Variants in RASSF4 observed in about 807,000 individuals in gnomAD.
The protein encoded by RASSF4 is Ras association domain family member 4, also known as ras association domain-containing protein 4.
Under a neutral mutation model 41.1 loss-of-function variants are expected in RASSF4, and 38 were observed. The observed-to-expected ratio is 0.92, with a 90% CI of 0.71 to 1.21. RASSF4 has a LOEUF of 1.21. Among genes scored for constraint, RASSF4 ranks in the 50% most tolerant of loss-of-function variants. The pLI is 0.00. For missense variants in RASSF4, 414 were observed against 419.4 expected (o/e 0.99, Z 0.11); for synonymous variants, 179 against 163.4 (o/e 1.10, Z -0.73).
intron 1 of RASSF4, among the ~76,000 whole-genome samples, chr10:44,967,000 A>G (rs1162248330): frequency 1.3e-5 from 2 of 152,366 alleles, no homozygotes; most frequent in Non-Finnish European, 1.5e-5. Flanking sequence ...ATATTTAAAT[A>G]CAAAATATTA....
Position 44,971,812 on chromosome 10 carries a change from C to T in RASSF4, c.102C>T (p.Tyr34=). The T allele has an allele frequency of 6.2e-7, 1 of 1,613,566 alleles. No individual in the cohort carries two copies. Among genetic ancestry groups the T allele is most frequent in the South Asian group, 1.1e-5 (1 of 91,066 alleles). ...LLGLLKTYNC[Y]HEGKSFQLRH... The stretch of plus-strand genomic sequence containing the variant: ...GCCTGCTGAAAACCTACAACTGCTA[C>T]CATGAGGGCAAGAGCTTCCAGCTGA... Residue 34 remains tyrosine, a synonymous_variant, in exon 3 of 11, where the codon TAC becomes TAT. Transcript: ENST00000340258.
At chr10:44,971,574 G>GCC (rs762505383) in intron 2 of RASSF4, 199 bp from the exon 3 acceptor site, 20 of 684,940 alleles carry the variant, frequency 2.9e-5, no homozygotes, top group Non-Finnish European at 5.1e-5. Context: ...CGACCCCCAT[G>GCC]CCCCCCACCA....
chr10:44,982,359 C>T (rs144182336), intron 3 of RASSF4, 162 bp from the exon 4 acceptor site: 35 of 849,834 alleles, frequency 4.1e-5, no homozygotes, highest in Non-Finnish European at 5.4e-5. Context: ...CCTGGTCACA[C>T]GCCCCAGGGC....
intron 3 of RASSF4, among the ~76,000 whole-genome samples, chr10:44,975,330 A>G (rs1303646782): frequency 6.6e-6 from 1 of 151,676 alleles, no homozygotes; most frequent in African/African-American, 2.4e-5. Context: ...GGCCAGCCCC[A>G]CGAACATCTG....
intron 4 of RASSF4, 31 bp from the exon 5 acceptor site, chr10:44,983,990 GC>G (rs1248152761): frequency 6.4e-7 from 1 of 1,565,702 alleles, no homozygotes; most frequent in African/African-American, 1.4e-5. Context: ...TCTGCCGGCA[GC>G]CATCTCAGCC....
chr10:44,978,902 C>T (rs1841579778), intron 3 of RASSF4: 1 of 152,262 alleles, frequency 6.6e-6, no homozygotes, highest in Non-Finnish European at 1.5e-5. Flanking sequence ...GGAAGGCTGT[C>T]TTAGGAAAAC....
chr10:44,968,992 G>A (rs774197718), intron 1 of RASSF4, among the ~76,000 whole-genome samples: 6 of 151,098 alleles, frequency 4.0e-5, no homozygotes, highest in Non-Finnish European at 7.4e-5. Flanking sequence ...GATTGTGAGT[G>A]TTTGTGTATG....
chr10:44,970,831 G>C (rs1841123527), intron 2 of RASSF4: 1 of 154,740 alleles, frequency 6.5e-6, no homozygotes, highest in African/African-American at 2.4e-5. Flanking sequence ...ACTTCACATG[G>C]CGAAAGCAGG....
intron 1 of RASSF4, among the ~76,000 whole-genome samples, chr10:44,960,679 C>G (rs541154314): frequency 6.6e-6 from 1 of 152,204 alleles, no homozygotes; most frequent in Non-Finnish European, 1.5e-5. Flanking sequence ...CCAGCACTTT[C>G]TTAAAACACA....
intron 1 of RASSF4, among the ~76,000 whole-genome samples, chr10:44,964,442 G>T (rs534653096): frequency 2.0e-4 from 31 of 152,342 alleles, no homozygotes; most frequent in African/African-American, 7.2e-4. Flanking sequence ...CTTGGAGGAG[G>T]GGAGAGCCTG....
At position 44,970,232 on chromosome 10, in the gene RASSF4, C is replaced by G. The variant is rs768206066; in HGVS notation, c.30C>G (p.His10Gln). The change falls in exon 2 of 11, where the codon CAC (histidine) becomes CAG (glutamine). Residue 10 changes from histidine to glutamine, a missense_variant. Physicochemically the swap from His to Gln is conservative, Grantham distance 24. Transcript: ENST00000340258. ...AGGAAGACTGTCTGCCGAGTTCTCACGTGCCCATCAGTGACAGCAAGTCCA... is the reference window on the plus strand; with the variant it reads ...AGGAAGACTGTCTGCCGAGTTCTCAGGTGCCCATCAGTGACAGCAAGTCCA... The part of the protein sequence containing the change: MKEDCLPSS[H>Q]VPISDSKSIQ... 27 of 1,613,928 alleles carry G rather than the reference C, an allele frequency of 1.7e-5. No homozygotes were observed. In the South Asian group the frequency reaches 2.9e-4, roughly 17 times the overall value.
intron 5 of RASSF4, chr10:44,984,408 G>A (rs780114808): frequency 1.6e-4 from 80 of 506,958 alleles, no homozygotes; most frequent in Middle Eastern, 1.0e-3. Flanking sequence ...AAGGCACTGC[G>A]CTCTCCTGGC....
intron 1 of RASSF4, among the ~76,000 whole-genome samples, chr10:44,969,484 T>C (rs778873798): frequency 6.6e-6 from 1 of 152,174 alleles, no homozygotes. Flanking sequence ...GTGATCAATA[T>C]AGAGAAGGTA....
Position 44,965,709 on chromosome 10 carries a change from G to A in RASSF4, c.-38-4456G>A, listed in dbSNP as rs12573213. Among the ~76,000 whole-genome samples, 621 of 152,266 alleles carry A rather than the reference G, an allele frequency of 4.1e-3. 21 individuals carry two copies. The East Asian group carries it at 0.078, about 19-fold the overall frequency. ...TGAGCCACCTCCCTTAGCTTTGCTC[G>A]CTGACCCCCCTGCCCTCCCCTGGGA... On this transcript the variant is annotated intron_variant, in intron 1 of 10. Coordinates refer to ENST00000340258, the MANE Select transcript of RASSF4 (RefSeq NM_032023.4).
At chr10:44,981,094 A>G (rs980474896) in intron 3 of RASSF4, 1 of 152,174 alleles carries the variant, frequency 6.6e-6, no homozygotes, top group Non-Finnish European at 1.5e-5. Context: ...CTAAGTTACC[A>G]TGAAATCCAC....
At position 44,982,528 on chromosome 10, in the gene RASSF4, G is replaced by A; in HGVS notation, c.146G>A (p.Gly49Glu). Residue 49 changes from glycine to glutamate, a missense_variant, in exon 4 of 11, where the codon GGG (glycine) becomes GAG (glutamate). Physicochemically the swap from Gly to Glu is moderately conservative, Grantham distance 98. Transcript: ENST00000340258. ...ATGTGTGGACCCCCACAGGAAGAAGGGACTCTGATCATCGAGGGGCTCCTC... is the reference window on the plus strand; with the variant it reads ...ATGTGTGGACCCCCACAGGAAGAAGAGACTCTGATCATCGAGGGGCTCCTC... ...SFQLRHREEE[G>E]TLIIEGLLNI... The A allele has an allele frequency of 1.9e-6, 3 of 1,611,638 alleles. No homozygotes were observed. Among genetic ancestry groups the A allele is most frequent in the Non-Finnish European group, 2.5e-6 (3 of 1,178,936 alleles).
At chr10:44,977,894 C>T (rs575748217) in intron 3 of RASSF4, 4 of 1,612,506 alleles carry the variant, frequency 2.5e-6, no homozygotes, top group East Asian at 4.5e-5. Context: ...CTGTGCCAGT[C>T]GAGATATAGA....
intron 6 of RASSF4, among the ~76,000 whole-genome samples, chr10:44,988,900 G>T (rs1344877251): frequency 1.3e-5 from 2 of 152,200 alleles, no homozygotes; most frequent in African/African-American, 4.8e-5. Flanking sequence ...ATGAAGAGGA[G>T]GAGACAGATT....
intron 4 of RASSF4, chr10:44,983,177 C>T (rs1012613396): frequency 3.1e-5 from 11 of 350,936 alleles, no homozygotes; most frequent in African/African-American, 1.9e-4. Flanking sequence ...ATCTCCTCCT[C>T]GGCCCACTCC....
Sources: gnomAD v4.1 joint callset for allele counts (sites outside exome capture counted in the v4.1 genomes callset) on GRCh38, gnomAD v4.1.1 for gene constraint, MANE v1.5 for transcripts, NCBI Gene and HGNC (gene_info 2026-07-23, HGNC 2026-07-21) for gene names.